SPTBN5: variants seen among roughly 807,000 people sequenced by gnomAD.
SPTBN5 encodes spectrin beta chain, non-erythrocytic 5.
A neutral mutation model predicts 477.6 loss-of-function variants in SPTBN5; 513 were observed. That is an observed-to-expected ratio of 1.07 (90% confidence interval 1.00 to 1.16). SPTBN5 has a LOEUF of 1.16. Among genes scored for constraint, SPTBN5 ranks in the 50% most tolerant of loss-of-function variants. SPTBN5 has a pLI of 0.00. For synonymous variants in SPTBN5, 2,169 were observed against 2,011.7 expected, an observed-to-expected ratio of 1.08 and a Z score of -2.09; for missense variants, 5,062 against 4,731.8, an observed-to-expected ratio of 1.07 and a Z score of -2.05.
At chr15:41,883,585 G>A in intron 7 of SPTBN5, 99 bp from the exon 8 acceptor site, 12 of 1,432,404 alleles carry the variant, frequency 8.4e-6, no homozygotes, top group South Asian at 6.6e-5. Flanking sequence ...CCCTGGAAGA[G>A]TCTGACCTCC....
At chr15:41,855,484 G>C in intron 54 of SPTBN5, 56 bp from the exon 55 acceptor site, 1 of 1,592,462 alleles carries the variant, frequency 6.3e-7, no homozygotes, top group Non-Finnish European at 8.6e-7. Flanking sequence ...GGCTGGAGCA[G>C]TCTCCTGCCA....
At chr15:41,876,344 C>T (rs2066727501) in intron 20 of SPTBN5, 60 bp from the exon 21 acceptor site, 3 of 1,484,346 alleles carry the variant, frequency 2.0e-6, no homozygotes, top group Non-Finnish European at 2.7e-6. Flanking sequence ...TGGTGCCTAG[C>T]CCTGCATCTG....
intron 13 of SPTBN5, 78 bp from the exon 14 acceptor site, chr15:41,880,390 C>T: frequency 7.0e-7 from 1 of 1,427,432 alleles, no homozygotes; most frequent in Non-Finnish European, 9.3e-7. Context: ...AAGGGGTGCT[C>T]CTCCCCATCC....
At position 41,892,812 on chromosome 15, in the gene SPTBN5, C is replaced by A; in HGVS notation, c.384+82G>T. 4.1e-6 allele frequency: 6 copies of A among 1,459,858 alleles called. No homozygotes were observed. The Admixed American group carries it at 6.7e-5, about 16-fold the overall frequency. 90.4% of individuals were successfully genotyped at this position (1,459,858 alleles called of 1,614,324 possible). On this transcript the variant is annotated intron_variant, in intron 3 of 67. Transcript: ENST00000320955. Reference sequence around the variant, plus strand: ...TCCTCTGTTCTGCCCAGTGGCCTGGCGCAGGAAAGGTGACCCAGTAGTTCA... The same window carrying A: ...TCCTCTGTTCTGCCCAGTGGCCTGGAGCAGGAAAGGTGACCCAGTAGTTCA...
rs776496065 is a variant in SPTBN5, at chr15:41,867,542, T to G, written c.6308A>C (p.Lys2103Thr). The change falls in exon 35 of 68, where the codon AAG becomes ACG. Residue 2103 changes from lysine (K) to threonine (T), a missense_variant. Physicochemically the swap from Lys to Thr is moderately conservative, Grantham distance 78. Transcript: ENST00000320955. The part of the protein sequence containing the change: ...VFLKVLTAQD[K>T]KEAALRERLK... ...CAGGCCTCCTGACTCCATTACCTTC[T>G]TGTCCTGGGCAGTCAGAACCTTCAG... is the stretch of plus-strand genomic sequence containing the variant. 5 of 1,613,642 alleles carry G rather than the reference T, an allele frequency of 3.1e-6. No individual in the cohort carries two copies. The African/African-American group carries it at 4.0e-5, about 13-fold the overall frequency.
At chr15:41,887,648 G>A (rs958853240) in intron 5 of SPTBN5, among the ~76,000 whole-genome samples, 3 of 152,228 alleles carry the variant, frequency 2.0e-5, no homozygotes, top group African/African-American at 7.2e-5. Flanking sequence ...AGGCTGGGGG[G>A]CTGGAGGAAT....
chr15:41,855,429 C>T lies in SPTBN5; in HGVS notation c.9219-1G>A. On this transcript the variant is annotated splice_acceptor_variant, in intron 54 of 67. Transcript: ENST00000320955. LOFTEE classifies it high-confidence loss of function. ...CTGCAGCTGGGCTAGCACCTTGGGG[C>T]TGTGGGAAGAGAGCGACAGTCTGGA... 1 of 1,601,300 alleles carries T rather than the reference C, an allele frequency of 6.2e-7. No homozygotes were observed. Among genetic ancestry groups the T allele is most frequent in the Non-Finnish European group, 8.5e-7 (1 of 1,175,070 alleles).
chr15:41,885,593 A>G lies in SPTBN5; in HGVS notation c.1520+142T>C, dbSNP rs1158665480. 10 of 1,047,566 alleles carry G rather than the reference A, an allele frequency of 9.5e-6. No homozygotes were observed. In the East Asian group the frequency reaches 2.4e-4, roughly 25 times the overall value. The allele number at this position is 1,047,566 out of a possible 1,614,324, so 64.9% of individuals were successfully genotyped here. A position where few individuals can be genotyped will look rare whatever the true frequency, so the allele number is the denominator to read the frequency against. On this transcript the variant is annotated intron_variant, in intron 7 of 67. Coordinates refer to ENST00000320955, the MANE Select transcript of SPTBN5 (RefSeq NM_016642.4). ...GTGGGCTTGCAAGCATCACTGGGAG[A>G]TAGATCTTTGTAGAGGGATCCCTGA...
Position 41,862,848 on chromosome 15 carries a change from A to T in SPTBN5, c.7205T>A (p.Leu2402Gln). The T allele has an allele frequency of 1.3e-6, 2 of 1,591,958 alleles. No homozygotes were observed. The highest frequency in any genetic ancestry group is 1.1e-5 in the South Asian group (1 of 87,010). ...CGKDLESVQR[L>Q]LRKHEELERE... ...CTCCAGCTCCTCGTGTTTCCGCAGCAGCCTCTGCACGCTCTCCAGATCTTT... is the reference window on the plus strand; with the variant it reads ...CTCCAGCTCCTCGTGTTTCCGCAGCTGCCTCTGCACGCTCTCCAGATCTTT... Residue 2402 changes from leucine to glutamine, a missense_variant, in exon 42 of 68, where the codon CTG (leucine) becomes CAG (glutamine). Leu to Gln is a moderately radical substitution (Grantham distance 113). Coordinates refer to ENST00000320955, the MANE Select transcript of SPTBN5 (RefSeq NM_016642.4).
At position 41,852,846 on chromosome 15, in the gene SPTBN5, A is replaced by G; in HGVS notation, c.10325T>C (p.Leu3442Pro). 6.2e-7 allele frequency: 1 copy of G among 1,606,366 alleles called. No individual in the cohort carries two copies. The change falls in exon 60 of 68, where the codon CTC (leucine) becomes CCC (proline). Residue 3442 changes from leucine (L) to proline (P), a missense_variant. Physicochemically the swap from Leu to Pro is moderately conservative, Grantham distance 98 (BLOSUM62 -3). Transcript: ENST00000320955. ...CACCCCATAGTCGGGCTTCAGCAGGAGTCCCTCCCAGCAGGCCAGCCAGGC... is the reference window on the plus strand; with the variant it reads ...CACCCCATAGTCGGGCTTCAGCAGGGGTCCCTCCCAGCAGGCCAGCCAGGC... ...AEAWLACWEG[L>P]LLKPDYGHSV...
At chr15:41,849,435 G>A (rs1441450814) in intron 67 of SPTBN5, among the ~76,000 whole-genome samples, 1 of 152,226 alleles carries the variant, frequency 6.6e-6, no homozygotes, top group Non-Finnish European at 1.5e-5. Flanking sequence ...CAAGGGTGGG[G>A]CAGGGTCTGG....
In SPTBN5 at chr15:41,854,939, A is replaced by G. The variant is rs757740652; in HGVS notation, c.9461T>C (p.Val3154Ala). Residue 3154 changes from valine to alanine, a missense_variant, in exon 56 of 68, where the codon GTG becomes GCG. By Grantham distance (64) the Val-to-Ala change is moderately conservative. Coordinates refer to ENST00000320955, the MANE Select transcript of SPTBN5 (RefSeq NM_016642.4). ...CACCTTGGCCTGGCCCAGGCTCTGCACTTCCTTTCTGAAAGCATCAAACTT... is the reference window on the plus strand; with the variant it reads ...CACCTTGGCCTGGCCCAGGCTCTGCGCTTCCTTTCTGAAAGCATCAAACTT... ...EEKFDAFRKE[V>A]QSLGQAKVYA... The G allele has an allele frequency of 8.3e-6, 13 of 1,565,454 alleles. No homozygotes were observed. In the African/African-American group the frequency reaches 1.4e-4, roughly 17 times the overall value.
At position 41,870,278 on chromosome 15, in the gene SPTBN5, C is replaced by A; in HGVS notation, c.5638G>T (p.Gly1880Trp). 1 of 1,553,694 alleles carries A rather than the reference C, an allele frequency of 6.4e-7. No individual in the cohort carries two copies. The highest frequency in any genetic ancestry group is 1.9e-5 in the Admixed American group (1 of 51,328). Residue 1880 changes from glycine (G) to tryptophan (W), a missense_variant, in exon 31 of 68, where the codon GGG (glycine) becomes TGG (tryptophan). Coordinates refer to ENST00000320955, the MANE Select transcript of SPTBN5 (RefSeq NM_016642.4). ...GLEAQLRSHQ[G>W]LERELVGTER... ...GTGCCCACGAGTTCTCGCTCCAGCC[C>A]CTGGTGGCTTCTCAGCTGCGCCTCC...
chr15:41,855,422 C>T lies in SPTBN5; in HGVS notation c.9225G>A (p.Lys3075=). The T allele has an allele frequency of 6.2e-7, 1 of 1,602,106 alleles. No individual in the cohort carries two copies. Among genetic ancestry groups the T allele is most frequent in the Non-Finnish European group, 8.5e-7 (1 of 1,176,008 alleles). The change falls in exon 55 of 68, where the codon AAG becomes AAA. Residue 3075 remains lysine, a synonymous_variant. Transcript: ENST00000320955. ...GAACTGCCTGCAGCTGGGCTAGCAC[C>T]TTGGGGCTGTGGGAAGAGAGCGACA... The part of the protein sequence containing the change: ...LESRKNPESP[K]VLAQLQAVRE...
At position 41,849,918 on chromosome 15, in the gene SPTBN5, A is replaced by C; in HGVS notation, c.10963T>G (p.Ser3655Ala). Residue 3655 changes from serine (S) to alanine (A), a missense_variant, in exon 67 of 68, where the codon TCT (serine) becomes GCT (alanine). Coordinates refer to ENST00000320955, the MANE Select transcript of SPTBN5 (RefSeq NM_016642.4). The stretch of plus-strand genomic sequence containing the variant: ...TCCTTGGTCGTGCACTCATTCAGAG[A>C]GCTGACAGGTTTGGCTTTGAGTTTT... The part of the protein sequence containing the change: ...SPKLKAKPVS[S>A]LNECTTKDAR... The C allele has an allele frequency of 6.3e-7, 1 of 1,597,528 alleles. No homozygotes were observed. Among genetic ancestry groups the C allele is most frequent in the Middle Eastern group, 1.7e-4 (1 of 6,044 alleles).
At chr15:41,876,459 G>A (rs992211599) in intron 20 of SPTBN5, 89 bp downstream of exon 20, 12 of 1,369,650 alleles carry the variant, frequency 8.8e-6, no homozygotes, top group African/African-American at 7.2e-5. Context: ...AGCGCGTGAG[G>A]AAAGTGCTCT....
At chr15:41,853,922 C>T (rs369206500) in intron 57 of SPTBN5, 128 bp downstream of exon 57, 30 of 1,436,092 alleles carry the variant, frequency 2.1e-5, no homozygotes, top group East Asian at 7.5e-5. Context: ...TAGGGCCCCT[C>T]GGGGAAGGAT....
rs767111400 is a variant in SPTBN5 at position 41,893,277 on chromosome 15, C to T, written c.216+5G>A. On this transcript the variant is annotated splice_donor_5th_base_variant and intron_variant, in intron 2 of 67. Transcript: ENST00000320955. ...GGGCTGTGGGTCACAGCTGGCTATA[C>T]TCACCTGGCCGCACTGGAAGACGTT... 1.9e-6 allele frequency: 3 copies of T among 1,613,822 alleles called. No homozygotes were observed. The highest frequency in any genetic ancestry group is 1.3e-5 in the African/African-American group (1 of 74,944).
intron 34 of SPTBN5, 29 bp from the exon 35 acceptor site, chr15:41,867,671 C>G: frequency 6.2e-7 from 1 of 1,602,684 alleles, no homozygotes; most frequent in Non-Finnish European, 8.5e-7. Context: ...CAGAGGCCAC[C>G]AAGCCTTCCA....
Sources: allele counts gnomAD v4.1 joint callset (sites outside exome capture counted in the v4.1 genomes callset), GRCh38; gene constraint gnomAD v4.1.1; transcripts MANE v1.5; gene names NCBI Gene and HGNC (gene_info 2026-07-23, HGNC 2026-07-21).